CDC73: variants seen among roughly 807,000 people sequenced by gnomAD.
The protein encoded by CDC73 is parafibromin.
Under a neutral mutation model 83.7 loss-of-function variants are expected in CDC73, and 21 were observed. That is an observed-to-expected ratio of 0.25 (90% CI 0.18 to 0.36). CDC73 has a LOEUF of 0.36. Among genes scored for constraint, CDC73 ranks in the 10% least tolerant of loss-of-function variants. CDC73 has a pLI of 1.00. For missense variants in CDC73, 342 were observed against 653.3 expected, an observed-to-expected ratio of 0.52 and a Z score of 5.19; for synonymous variants, 224 against 212.9, an observed-to-expected ratio of 1.05 and a Z score of -0.45.
At chr1:193,146,943 TA>T (rs1038595861) in intron 7 of CDC73, among the ~76,000 whole-genome samples, 1 of 152,048 alleles carries the variant, frequency 6.6e-6, no homozygotes, top group African/African-American at 2.4e-5. Flanking sequence ...AGTAGTTGAT[TA>T]TTTTTTTTTC....
chr1:193,201,702 A>G (rs996273340), intron 10 of CDC73, among the ~76,000 whole-genome samples: 13 of 152,220 alleles, frequency 8.5e-5, no homozygotes, highest in African/African-American at 2.9e-4. Flanking sequence ...AAAAATAGAC[A>G]AAAATTCCTA....
chr1:193,131,907 C>G (rs1166489639), intron 3 of CDC73, among the ~76,000 whole-genome samples: 1 of 152,158 alleles, frequency 6.6e-6, no homozygotes, highest in East Asian at 1.9e-4. Flanking sequence ...TTCACCAGAT[C>G]TCATACATTG....
chr1:193,158,098 A>G (rs1418946406), intron 10 of CDC73, among the ~76,000 whole-genome samples: 7 of 151,078 alleles, frequency 4.6e-5, no homozygotes, highest in Admixed American at 1.3e-4. Flanking sequence ...ATATTTATTA[A>G]TATATGTATT....
rs1676907991 is a variant in CDC73, at chr1:193,190,945, A to G, written c.973-12850A>G. On this transcript the variant is annotated intron_variant, in intron 10 of 16. Coordinates refer to ENST00000367435, the MANE Select transcript of CDC73 (RefSeq NM_024529.5). ...TTTAAGGGCATTTTAGGGCCAGGGT[A>G]GGTAGTAGTCCAGTAGTGTGTGGGA... 2.0e-5 allele frequency among the ~76,000 whole-genome samples: 3 copies of G among 152,176 alleles called. No homozygotes were observed. In the South Asian group the frequency reaches 6.2e-4, roughly 32 times the overall value.
intron 13 of CDC73, among the ~76,000 whole-genome samples, chr1:193,223,477 A>G (rs542182376): frequency 2.0e-5 from 3 of 152,264 alleles, no homozygotes; most frequent in East Asian, 3.9e-4. Flanking sequence ...CAGTTTTACC[A>G]TTTGAGATAT....
chr1:193,141,375 A>G (rs1432252430), intron 6 of CDC73, among the ~76,000 whole-genome samples: 1 of 152,248 alleles, frequency 6.6e-6, no homozygotes, highest in Non-Finnish European at 1.5e-5. Flanking sequence ...TTTGTGGCAT[A>G]TAAAAGCCTG....
chr1:193,167,419 C>T (rs868057232), intron 10 of CDC73, among the ~76,000 whole-genome samples: 3 of 152,042 alleles, frequency 2.0e-5, no homozygotes, highest in Non-Finnish European at 2.9e-5. Context: ...TGTTAACAAG[C>T]GCCAAAGAAA....
intron 10 of CDC73, among the ~76,000 whole-genome samples, chr1:193,158,566 A>G (rs1313482838): frequency 4.6e-5 from 7 of 152,132 alleles, no homozygotes; most frequent in Admixed American, 2.0e-4. Flanking sequence ...TTTAATATGT[A>G]GTTACATAAT....
In CDC73 at chr1:193,203,844, C is replaced by G; in HGVS notation, c.1022C>G (p.Pro341Arg). Residue 341 changes from proline (P) to arginine (R), a missense_variant, in exon 11 of 17, where the codon CCA (proline) becomes CGA (arginine). Around this residue, in one of 3 missense-constraint regions of CDC73, gnomAD observed 239 missense variants for 420.6 expected, o/e 0.57. Coordinates refer to ENST00000367435, the MANE Select transcript of CDC73 (RefSeq NM_024529.5). Reference protein sequence around the residue: ...KTQTPAAQPVPRPVSQARPPP... With the variant: ...KTQTPAAQPVRRPVSQARPPP... ...CAGACTCCTGCAGCCCAGCCAGTAC[C>G]AAGACCAGGTAGAAATATAGAACTT... 6.2e-7 allele frequency: 1 copy of G among 1,613,504 alleles called. No individual in the cohort carries two copies. Among genetic ancestry groups the G allele is most frequent in the Non-Finnish European group, 8.5e-7 (1 of 1,179,488 alleles).
intron 13 of CDC73, among the ~76,000 whole-genome samples, chr1:193,225,870 T>A (rs1375775155): frequency 6.6e-6 from 1 of 152,184 alleles, no homozygotes; most frequent in Admixed American, 6.5e-5. Context: ...TTTACTCTGC[T>A]GACTGTTCCT....
intron 9 of CDC73, among the ~76,000 whole-genome samples, chr1:193,151,474 T>C (rs993972517): frequency 2.6e-5 from 4 of 152,224 alleles, no homozygotes; most frequent in African/African-American, 4.8e-5. Flanking sequence ...TGATCACATA[T>C]ATTGTTTATT....
At chr1:193,153,755 C>G (rs2103134634) in intron 10 of CDC73, among the ~76,000 whole-genome samples, 1 of 151,784 alleles carries the variant, frequency 6.6e-6, no homozygotes, top group Admixed American at 6.6e-5. Context: ...ATTCATTCAA[C>G]AAGTACTTAT....
chr1:193,180,179 A>G (rs1369961411), intron 10 of CDC73: 2 of 878,112 alleles, frequency 2.3e-6, no homozygotes, highest in Non-Finnish European at 3.2e-6. Flanking sequence ...TACTTCTTGA[A>G]TTTCTTTATG....
In CDC73 at chr1:193,233,087, A is replaced by G. The variant is rs1572215351; in HGVS notation, c.1249A>G (p.Thr417Ala). The G allele has an allele frequency of 1.9e-6, 3 of 1,613,608 alleles. No individual in the cohort carries two copies. The highest frequency in any genetic ancestry group is 1.7e-6 in the Non-Finnish European group (2 of 1,179,510). ...RRKDQMQPGG[T>A]AISVTVPYRV... is the part of the protein sequence containing the mutation. ...AAAAGACCAGATGCAACCAGGGGGCACTGCAATTAGTGTTACAGTACCTTA... is the reference window on the plus strand; with the variant it reads ...AAAAGACCAGATGCAACCAGGGGGCGCTGCAATTAGTGTTACAGTACCTTA... Residue 417 changes from threonine (T) to alanine (A), a missense_variant, in exon 14 of 17, where the codon ACT (threonine) becomes GCT (alanine). By Grantham distance (58) the Thr-to-Ala change is moderately conservative (BLOSUM62 0). Around this residue, in one of 3 missense-constraint regions of CDC73, gnomAD observed 239 missense variants for 420.6 expected, o/e 0.57. Coordinates refer to ENST00000367435, the MANE Select transcript of CDC73 (RefSeq NM_024529.5).
At chr1:193,231,186 T>G (rs1677657045) in intron 13 of CDC73, among the ~76,000 whole-genome samples, 1 of 152,212 alleles carries the variant, frequency 6.6e-6, no homozygotes, top group Admixed American at 6.5e-5. Context: ...AGTTTATAAG[T>G]AATTTTGTAC....
intron 15 of CDC73, among the ~76,000 whole-genome samples, chr1:193,240,959 C>T (rs995906305): frequency 6.6e-6 from 1 of 152,168 alleles, no homozygotes; most frequent in Admixed American, 6.5e-5. Context: ...GTATTCCACT[C>T]AGTTTCTGTG....
At chr1:193,224,072 C>A (rs1485175912) in intron 13 of CDC73, among the ~76,000 whole-genome samples, 1 of 151,928 alleles carries the variant, frequency 6.6e-6, no homozygotes, top group Non-Finnish European at 1.5e-5. Context: ...AGTCACTCTG[C>A]TGATTTATTG....
At chr1:193,249,032 G>C (rs1558325800) in intron 15 of CDC73, among the ~76,000 whole-genome samples, 2 of 152,034 alleles carry the variant, frequency 1.3e-5, no homozygotes, top group Non-Finnish European at 2.9e-5. Context: ...GTAAAATGCT[G>C]TCAAATATTA....
At position 193,138,107 on chromosome 1, in the gene CDC73, A is replaced by G; in HGVS notation, c.446A>G (p.Asp149Gly). The G allele has an allele frequency of 6.2e-7, 1 of 1,613,418 alleles. No individual in the cohort carries two copies. Among genetic ancestry groups the G allele is most frequent in the Non-Finnish European group, 8.5e-7 (1 of 1,179,436 alleles). Reference protein sequence around the residue: ...RIEDEECVRLDKERLAARLEG... With the variant: ...RIEDEECVRLGKERLAARLEG... Reference sequence around the variant, plus strand: ...CAGGATGAAGAGTGTGTGCGCCTTGATAAAGAGAGATTGGCTGCCCGTTTG... The same window carrying G: ...CAGGATGAAGAGTGTGTGCGCCTTGGTAAAGAGAGATTGGCTGCCCGTTTG... The change falls in exon 6 of 17, where the codon GAT becomes GGT. Residue 149 changes from aspartate to glycine, a missense_variant. Physicochemically the swap from Asp to Gly is moderately conservative, Grantham distance 94 (BLOSUM62 -1). This residue lies in a region of CDC73 where 4 missense variants were observed against 58.2 expected (regional missense o/e 0.07). Transcript: ENST00000367435.
Sources: allele counts gnomAD v4.1 joint callset (sites outside exome capture counted in the v4.1 genomes callset), GRCh38; gene constraint gnomAD v4.1.1; regional missense constraint gnomAD v4.1.1; transcripts MANE v1.5; gene names NCBI Gene and HGNC (gene_info 2026-07-23, HGNC 2026-07-21).